CENPP: variants seen among roughly 807,000 people sequenced by gnomAD.
CENPP encodes the protein centromere protein P.
Under a neutral mutation model 35.6 loss-of-function variants are expected in CENPP, and 24 were observed. The ratio of observed to expected loss-of-function variants is 0.67; its 90% CI spans 0.49 to 0.95. The LOEUF is 0.95. CENPP is among the 40% of genes least tolerant of loss of function. The probability of loss-of-function intolerance (pLI) is 0.00; values close to 1 mark genes in which losing one functional copy is unlikely to be tolerated. For missense variants in CENPP, 332 were observed against 345.3 expected, an observed-to-expected ratio of 0.96 and a Z score of 0.31; for synonymous variants, 120 against 125.5, an observed-to-expected ratio of 0.96 and a Z score of 0.29.
At position 92,386,164 on chromosome 9, in the gene CENPP, T is replaced by C. The variant is rs771031441; in HGVS notation, c.564+6305T>C. ...GAGTCACAAGATTTTGACTCATAGG[T>C]AATTAGAGTCAGATATTGTGAAAGG... On this transcript the variant is annotated intron_variant, in intron 5 of 7. Transcript: ENST00000375587. 8 of 1,432,056 alleles carry C rather than the reference T, an allele frequency of 5.6e-6. No homozygotes were observed. The Admixed American group carries it at 1.3e-4, about 24-fold the overall frequency. The allele number at this position is 1,432,056 out of a possible 1,614,324, so 88.7% of individuals were successfully genotyped here. A position where few individuals can be genotyped will look rare whatever the true frequency, so the allele number is the denominator to read the frequency against.
chr9:92,410,880 A>G (rs143022762), intron 5 of CENPP, among the ~76,000 whole-genome samples: 64 of 152,308 alleles, frequency 4.2e-4, no homozygotes, highest in African/African-American at 1.5e-3. Context: ...TTAAAAAACA[A>G]AGAAAGAGAC....
rs1564000153 is a variant in CENPP at position 92,552,026 on chromosome 9, CTATCATATATGTGATATTATAGGT to C, written c.565-59287_565-59264del. ...TGTGTATATATATGATATGATAGAT[CTATCATATATGTGATATTATAGGT>C]CTATCATATATGTGATATGATAGAT... On this transcript the variant is annotated intron_variant, in intron 5 of 7. Coordinates refer to ENST00000375587, the MANE Select transcript of CENPP (RefSeq NM_001012267.3). Among the ~76,000 whole-genome samples the C allele has an allele frequency of 1.4e-3, 126 of 88,810 alleles. 4 individuals carry two copies. Among genetic ancestry groups the C allele is most frequent in the African/African-American group, 1.7e-3 (25 of 14,736 alleles). The allele number at this position is 88,810 out of a possible 152,430, so 58.3% of individuals were successfully genotyped here.
intron 5 of CENPP, among the ~76,000 whole-genome samples, chr9:92,515,853 A>G (rs1384220472): frequency 6.6e-6 from 1 of 152,182 alleles, no homozygotes; most frequent in Admixed American, 6.5e-5. Flanking sequence ...TCTGGACTTA[A>G]GTGATGTTGC....
chr9:92,330,489 T>C (rs1840705820), intron 1 of CENPP, among the ~76,000 whole-genome samples: 1 of 152,112 alleles, frequency 6.6e-6, no homozygotes, highest in Non-Finnish European at 1.5e-5. Context: ...TGACCCTAGA[T>C]AGCAAATGAG....
intron 5 of CENPP, among the ~76,000 whole-genome samples, chr9:92,571,678 G>A (rs1850143453): frequency 6.6e-6 from 1 of 152,008 alleles, no homozygotes; most frequent in Non-Finnish European, 1.5e-5. Flanking sequence ...TTGATAGTGG[G>A]GTGTTAAAGT....
At chr9:92,502,665 G>T in intron 5 of CENPP, 1 of 1,532,094 alleles carries the variant, frequency 6.5e-7, no homozygotes, top group South Asian at 1.2e-5. Flanking sequence ...ATAATTAAGA[G>T]AGAAGACTAT....
intron 5 of CENPP, chr9:92,517,855 CCAAA>C (rs1847821958): frequency 1.2e-6 from 2 of 1,614,132 alleles, no homozygotes; most frequent in Non-Finnish European, 1.7e-6. Context: ...ATGCCCTTTA[CCAAA>C]CAGTGTCCCT....
intron 4 of CENPP, among the ~76,000 whole-genome samples, chr9:92,366,956 G>A (rs191526007): frequency 2.2e-4 from 34 of 152,170 alleles, no homozygotes; most frequent in Admixed American, 1.3e-3. Context: ...CCTGACTTGC[G>A]TTTGCAGTCA....
chr9:92,438,229 A>C (rs1170033195), intron 5 of CENPP, among the ~76,000 whole-genome samples: 2 of 152,174 alleles, frequency 1.3e-5, no homozygotes, highest in African/African-American at 4.8e-5. Context: ...TTTATCTCTT[A>C]TATTTAGGTC....
rs948147451 is a variant in CENPP at position 92,452,530 on chromosome 9, A to T, written c.564+72671A>T. ...ATTTTATTGAGGATTTTTGCATCAAAGTTCATCAAGGATATTGGTCTAAAA... is the reference window on the plus strand; with the variant it reads ...ATTTTATTGAGGATTTTTGCATCAATGTTCATCAAGGATATTGGTCTAAAA... On this transcript the variant is annotated intron_variant, in intron 5 of 7. Coordinates refer to ENST00000375587, the MANE Select transcript of CENPP (RefSeq NM_001012267.3). Among the ~76,000 whole-genome samples, 334 of 152,096 alleles carry T rather than the reference A, an allele frequency of 2.2e-3. 2 individuals are homozygous for T. The highest frequency in any genetic ancestry group is 6.8e-3 in the Middle Eastern group (2 of 294).
At chr9:92,458,718 G>A in intron 5 of CENPP, among the ~76,000 whole-genome samples, 1 of 152,184 alleles carries the variant, frequency 6.6e-6, no homozygotes, top group East Asian at 1.9e-4. Context: ...AAGCAGAAAT[G>A]ACATCAGGGA....
intron 5 of CENPP, chr9:92,417,110 T>A: frequency 6.2e-7 from 1 of 1,613,768 alleles, no homozygotes; most frequent in Middle Eastern, 1.7e-4. Flanking sequence ...TAAATTATTA[T>A]GCTCTAGATG....
At chr9:92,505,523 A>T in intron 5 of CENPP, 2 of 1,578,016 alleles carry the variant, frequency 1.3e-6, no homozygotes, top group Non-Finnish European at 1.7e-6. Flanking sequence ...CTAAAAAAAT[A>T]TATTGTTACC....
intron 5 of CENPP, among the ~76,000 whole-genome samples, chr9:92,449,178 C>G (rs374797754): frequency 2.2e-4 from 33 of 152,096 alleles, no homozygotes; most frequent in East Asian, 2.1e-3. Flanking sequence ...TGTGGTGGCT[C>G]AAGCCTGTAA....
At position 92,327,699 on chromosome 9, in the gene CENPP, T is replaced by C. The variant is rs981642392; in HGVS notation, c.107+1594T>C. Among the ~76,000 whole-genome samples, 3 of 152,280 alleles carry C rather than the reference T, an allele frequency of 2.0e-5. No homozygotes were observed. The East Asian group carries it at 5.8e-4, about 29-fold the overall frequency. On this transcript the variant is annotated intron_variant, in intron 1 of 7. Coordinates refer to ENST00000375587, the MANE Select transcript of CENPP (RefSeq NM_001012267.3). ...ATCAAAAGAAAATTTTTGAAATCAT[T>C]CTCTTGTCCTATCAAAGCCTGTGGA... is the stretch of plus-strand genomic sequence containing the variant.
chr9:92,474,685 C>T (rs1168455754), intron 5 of CENPP: 1 of 1,613,818 alleles, frequency 6.2e-7, no homozygotes, highest in East Asian at 2.2e-5. Context: ...ACATTGGAAA[C>T]AGATCAAATG....
chr9:92,483,536 C>G (rs1845979304), intron 5 of CENPP, among the ~76,000 whole-genome samples: 1 of 152,114 alleles, frequency 6.6e-6, no homozygotes, highest in Non-Finnish European at 1.5e-5. Flanking sequence ...CCTGAGAGGA[C>G]AGTTTTCTAA....
chr9:92,476,154 A>G lies in CENPP; in HGVS notation c.564+96295A>G, dbSNP rs1845707595. 6.6e-6 allele frequency among the ~76,000 whole-genome samples: 1 copy of G among 152,152 alleles called. No individual in the cohort carries two copies. The highest frequency in any genetic ancestry group is 1.5e-5 in the Non-Finnish European group (1 of 68,022). On this transcript the variant is annotated intron_variant, in intron 5 of 7. Coordinates refer to ENST00000375587, the MANE Select transcript of CENPP (RefSeq NM_001012267.3). This position sits in a 1 kb window ranked among gnomAD's most constrained non-coding sequence, Gnocchi z 4.1. ...ATAGTCCACCAGGCTACAGTCACCT[A>G]AATAGTCCTCCAGGCCTGCCATTGC... is the stretch of plus-strand genomic sequence containing the variant.
intron 5 of CENPP, chr9:92,514,754 T>C (rs1294765075): frequency 1.9e-6 from 3 of 1,614,136 alleles, no homozygotes; most frequent in Non-Finnish European, 2.5e-6. Context: ...AGTGTGCCTC[T>C]GGGAGGAGCA....
Sources: allele counts gnomAD v4.1 joint callset (sites outside exome capture counted in the v4.1 genomes callset), GRCh38; gene constraint gnomAD v4.1.1; non-coding constraint Gnocchi (gnomAD v3.1); transcripts MANE v1.5; gene names NCBI Gene and HGNC (gene_info 2026-07-23, HGNC 2026-07-21).